CHCHD3: variants seen among roughly 807,000 people sequenced by gnomAD.
The protein encoded by CHCHD3 is MICOS complex subunit MIC19.
In CHCHD3, 20 loss-of-function variants were observed where a neutral mutation model predicts 38.2. The ratio of observed to expected loss-of-function variants is 0.52; its 90% CI spans 0.37 to 0.76. The LOEUF is 0.76. Among genes scored for constraint, CHCHD3 ranks in the 30% least tolerant of loss-of-function variants. The pLI is 0.00. For missense variants in CHCHD3, 245 were observed against 279.2 expected (o/e 0.88, Z 0.87); for synonymous variants, 82 against 100.0 (o/e 0.82, Z 1.07).
intron 4 of CHCHD3, among the ~76,000 whole-genome samples, chr7:132,952,774 C>T (rs892178797): frequency 6.6e-6 from 1 of 152,196 alleles, no homozygotes; most frequent in Non-Finnish European, 1.5e-5. Context: ...TGCTCATTAC[C>T]TACAAAAGGA....
intron 4 of CHCHD3, among the ~76,000 whole-genome samples, chr7:132,921,322 A>G (rs1036633549): frequency 6.6e-6 from 1 of 152,200 alleles, no homozygotes; most frequent in African/African-American, 2.4e-5. Flanking sequence ...TATATACTTG[A>G]AATATACTTA....
chr7:132,813,370 A>T (rs1807121103), intron 6 of CHCHD3: 1 of 152,234 alleles, frequency 6.6e-6, no homozygotes, highest in Non-Finnish European at 1.5e-5. Flanking sequence ...ATGGTTAAAA[A>T]CACAGGATCT....
intron 3 of CHCHD3, among the ~76,000 whole-genome samples, chr7:133,013,940 G>C (rs1562937965): frequency 6.6e-6 from 1 of 152,056 alleles, no homozygotes; most frequent in Non-Finnish European, 1.5e-5. Flanking sequence ...AATTTCCTAT[G>C]TCAAACCTAC....
intron 6 of CHCHD3, among the ~76,000 whole-genome samples, chr7:132,832,486 G>A (rs928474369): frequency 1.3e-5 from 2 of 152,178 alleles, no homozygotes; most frequent in South Asian, 4.1e-4. Flanking sequence ...ATAGATCTAT[G>A]TCACTTTCCA....
intron 4 of CHCHD3, among the ~76,000 whole-genome samples, chr7:132,951,139 T>C (rs960393207): frequency 1.3e-5 from 2 of 152,186 alleles, no homozygotes; most frequent in Non-Finnish European, 2.9e-5. Flanking sequence ...TTTGTCTGCA[T>C]GATAATTAGG....
intron 6 of CHCHD3, among the ~76,000 whole-genome samples, chr7:132,805,974 T>C (rs117249982): frequency 1.3e-5 from 2 of 152,256 alleles, no homozygotes; most frequent in Non-Finnish European, 2.9e-5. Flanking sequence ...GAGCTCAGCA[T>C]GATGGCAGGG....
chr7:132,822,753 G>C (rs1807413870), intron 6 of CHCHD3, among the ~76,000 whole-genome samples: 1 of 152,080 alleles, frequency 6.6e-6, no homozygotes, highest in Non-Finnish European at 1.5e-5. Context: ...GTTCCTTAGG[G>C]TTTAGGTATG....
intron 2 of CHCHD3, among the ~76,000 whole-genome samples, chr7:133,047,410 C>A (rs934904138): frequency 7.2e-5 from 11 of 152,182 alleles, no homozygotes; most frequent in African/African-American, 2.7e-4. Flanking sequence ...AAAAGCTACC[C>A]TGCCTGAATT....
chr7:132,897,240 C>T (rs1809523370), intron 4 of CHCHD3, among the ~76,000 whole-genome samples: 1 of 152,182 alleles, frequency 6.6e-6, no homozygotes, highest in African/African-American at 2.4e-5. Context: ...GACATAGAGA[C>T]GCCAGTTAAA....
At chr7:132,936,823 A>C (rs1186339023) in intron 4 of CHCHD3, among the ~76,000 whole-genome samples, 1 of 152,240 alleles carries the variant, frequency 6.6e-6, no homozygotes, top group Non-Finnish European at 1.5e-5. Context: ...ATTTGCTGGC[A>C]TCTCATCAAT....
intron 2 of CHCHD3, among the ~76,000 whole-genome samples, chr7:133,064,213 G>A (rs1398745096): frequency 6.6e-6 from 1 of 152,158 alleles, no homozygotes; most frequent in Non-Finnish European, 1.5e-5. Context: ...GTTGACTGAT[G>A]GAACCAACCA....
chr7:132,975,268 C>A lies in CHCHD3; in HGVS notation c.270G>T (p.Glu90Asp), dbSNP rs1191667092. The change falls in exon 4 of 8, where the codon GAG (glutamate) becomes GAT (aspartate). Residue 90 changes from glutamate (E) to aspartate (D), a missense_variant. By Grantham distance (45) the Glu-to-Asp change is conservative. Transcript: ENST00000262570. ...TGGCAGCAGCCCTCTCTCGGTCCAG[C>A]TCTTTGGCTTGCTTTAGTCTAAAAT... ...EDQKRLKQAK[E>D]LDRERAAANE... The A allele has an allele frequency of 3.1e-6, 5 of 1,613,036 alleles. No individual in the cohort carries two copies. Among genetic ancestry groups the A allele is most frequent in the Middle Eastern group, 1.9e-4 (1 of 5,334 alleles).
chr7:132,876,923 G>A (rs1368055217), intron 5 of CHCHD3, among the ~76,000 whole-genome samples: 1 of 152,110 alleles, frequency 6.6e-6, no homozygotes, highest in African/African-American at 2.4e-5. Flanking sequence ...CCTATTTACT[G>A]TAGCAAGCAG....
chr7:132,967,659 AAATAAAT>A (rs1811502841), intron 4 of CHCHD3, among the ~76,000 whole-genome samples: 1 of 148,054 alleles, frequency 6.8e-6, no homozygotes, highest in African/African-American at 2.5e-5. Flanking sequence ...ATAAATAAAT[AAATAAAT>A]AAAATAAAAC....
At chr7:133,009,497 G>C (rs940856574) in intron 3 of CHCHD3, among the ~76,000 whole-genome samples, 3 of 151,790 alleles carry the variant, frequency 2.0e-5, no homozygotes, top group Non-Finnish European at 2.9e-5. Context: ...GGAGGCTGAG[G>C]GGGGCACGAG....
intron 2 of CHCHD3, among the ~76,000 whole-genome samples, chr7:133,032,142 C>A (rs1813520829): frequency 1.3e-5 from 2 of 152,112 alleles, no homozygotes; most frequent in African/African-American, 2.4e-5. Context: ...TAGAAATAAA[C>A]ATGTTTATTA....
chr7:132,955,615 T>C (rs932703493), intron 4 of CHCHD3, among the ~76,000 whole-genome samples: 4 of 152,036 alleles, frequency 2.6e-5, no homozygotes, highest in African/African-American at 4.8e-5. Flanking sequence ...ATAATGTGGA[T>C]GGGCCTGTTA....
At chr7:132,837,789 C>T (rs749468811) in intron 6 of CHCHD3, among the ~76,000 whole-genome samples, 5 of 152,124 alleles carry the variant, frequency 3.3e-5, no homozygotes, top group Non-Finnish European at 7.4e-5. Flanking sequence ...TGTCTTCTAA[C>T]CTAATGTGAG....
chr7:132,981,837 T>C, intron 3 of CHCHD3, among the ~76,000 whole-genome samples: 1 of 152,310 alleles, frequency 6.6e-6, no homozygotes, highest in East Asian at 1.9e-4. Context: ...ATAAAGTGAT[T>C]TGACTAAATG....
Sources: gnomAD v4.1 joint callset for allele counts (sites outside exome capture counted in the v4.1 genomes callset) on GRCh38, gnomAD v4.1.1 for gene constraint, MANE v1.5 for transcripts, NCBI Gene and HGNC (gene_info 2026-07-23, HGNC 2026-07-21) for gene names.